MTMR10: variants seen among roughly 807,000 people sequenced by gnomAD.
MTMR10 encodes the protein myotubularin-related protein 10.
In MTMR10, 56 loss-of-function variants were observed where a neutral mutation model predicts 88.1. That is an observed-to-expected ratio of 0.64 (90% CI 0.51 to 0.79). The LOEUF is 0.79. Among genes scored for constraint, MTMR10 ranks in the 30% least tolerant of loss-of-function variants. The pLI, the probability that MTMR10 is intolerant of heterozygous loss-of-function variation, is 0.00. For missense variants in MTMR10, 883 were observed against 924.7 expected, an observed-to-expected ratio of 0.95 and a Z score of 0.58; for synonymous variants, 380 against 340.9, an observed-to-expected ratio of 1.11 and a Z score of -1.26.
chr15:30,935,800 A>G (rs147462432), downstream of MTMR10, among the ~76,000 whole-genome samples: 321 of 152,324 alleles, frequency 2.1e-3, no homozygotes, highest in African/African-American at 7.4e-3. Context: ...ATATTAGTCT[A>G]CTGTCTTCTA....
At chr15:30,990,899 A>G in intron 1 of MTMR10, 62 bp from the exon 2 acceptor site, 1 of 1,402,298 alleles carries the variant, frequency 7.1e-7, no homozygotes, top group South Asian at 1.3e-5. Context: ...AAAATGCTAC[A>G]GCAAATGTTG....
chr15:30,927,470 GAC>G, the MTMR10 span: 1 of 985,712 alleles, frequency 1.0e-6, no homozygotes, highest in Non-Finnish European at 1.2e-6. Context: ...AGGAAGACAG[GAC>G]AGAGAGCAGC....
Position 30,941,239 on chromosome 15 carries a change from T to C in MTMR10, c.*231A>G, listed in dbSNP as rs1364701087. ...GACAACATGAACAGTTTGATCACGG[T>C]TACAAGAGCCAGACCTGTAATGACA... On this transcript the variant is annotated 3_prime_UTR_variant, in exon 16 of 16. Transcript: ENST00000435680. 1 of 1,435,042 alleles carries C rather than the reference T, an allele frequency of 7.0e-7. No homozygotes were observed. The highest frequency in any genetic ancestry group is 1.4e-5 in the African/African-American group (1 of 70,870). The allele number at this position is 1,435,042 out of a possible 1,614,324, so 88.9% of individuals were successfully genotyped here.
At chr15:30,929,756 TA>T in the MTMR10 span, among the ~76,000 whole-genome samples, 1 of 35,916 alleles carries the variant, frequency 2.8e-5, no homozygotes, top group African/African-American at 1.5e-4. Context: ...ATATATAATA[TA>T]ATATATAAAA....
At chr15:30,932,576 A>G in the MTMR10 span, among the ~76,000 whole-genome samples, 1 of 152,120 alleles carries the variant, frequency 6.6e-6, no homozygotes, top group African/African-American at 2.4e-5. Context: ...AAAGCTATAA[A>G]TTAAATTTAT....
intron 5 of MTMR10, 151 bp downstream of exon 5, chr15:30,974,163 A>T: frequency 2.9e-6 from 2 of 694,408 alleles, no homozygotes; most frequent in Non-Finnish European, 4.1e-6. Flanking sequence ...TAGTTCTATT[A>T]ATATTCTTGG....
rs146087571 is a variant in MTMR10 at position 30,955,562 on chromosome 15, G to A, written c.936-669C>T. On this transcript the variant is annotated intron_variant, in intron 9 of 15. Coordinates refer to ENST00000435680, the MANE Select transcript of MTMR10 (RefSeq NM_017762.3). ...TGGGATTACAGGCGTGAGCCACCGCGCCCGGGCTCATTCCCTTATTTCTGA... is the reference window on the plus strand; with the variant it reads ...TGGGATTACAGGCGTGAGCCACCGCACCCGGGCTCATTCCCTTATTTCTGA... Among the ~76,000 whole-genome samples, 970 of 152,218 alleles carry A rather than the reference G, an allele frequency of 6.4e-3. 7 individuals carry two copies. The highest frequency in any genetic ancestry group is 9.3e-3 in the Non-Finnish European group (631 of 68,004).
At chr15:30,968,115 T>A in intron 5 of MTMR10, 105 bp from the exon 6 acceptor site, 1 of 751,272 alleles carries the variant, frequency 1.3e-6, no homozygotes, top group Non-Finnish European at 2.1e-6. Flanking sequence ...GCAGTGATTA[T>A]AGATACTATT....
intron 2 of MTMR10, among the ~76,000 whole-genome samples, chr15:30,988,479 A>C (rs1379815260): frequency 6.7e-6 from 1 of 150,008 alleles, no homozygotes; most frequent in African/African-American, 2.5e-5. Flanking sequence ...ACTTAGTGTT[A>C]CAGCTCTTTT....
At chr15:30,942,858 G>C in intron 15 of MTMR10, 32 bp downstream of exon 15, 1 of 1,536,194 alleles carries the variant, frequency 6.5e-7, no homozygotes, top group African/African-American at 1.4e-5. Flanking sequence ...TTACGTGTGA[G>C]CCAACATCAC....
chr15:30,936,213 T>G (rs770802246), downstream of MTMR10, among the ~76,000 whole-genome samples: 3 of 152,224 alleles, frequency 2.0e-5, no homozygotes, highest in Non-Finnish European at 2.9e-5. Flanking sequence ...TTTTATCTTA[T>G]GAATGCCATG....
At chr15:30,932,544 GA>G in the MTMR10 span, among the ~76,000 whole-genome samples, 1 of 152,058 alleles carries the variant, frequency 6.6e-6, no homozygotes, top group Non-Finnish European at 1.5e-5. Context: ...TGGGCCTGGA[GA>G]TTTTGGGGGG....
At chr15:30,973,767 T>C (rs1299758339) in intron 5 of MTMR10, among the ~76,000 whole-genome samples, 1 of 152,158 alleles carries the variant, frequency 6.6e-6, no homozygotes, top group South Asian at 2.1e-4. Context: ...TAATAAGTCA[T>C]TATCTGGAAG....
chr15:30,929,719 T>TATC, the MTMR10 span, among the ~76,000 whole-genome samples: 3 of 76,298 alleles, frequency 3.9e-5, no homozygotes, highest in Non-Finnish European at 6.5e-5. Flanking sequence ...ATATATAATA[T>TATC]ATATAAAATA....
chr15:30,988,845 C>A (rs1265742498), intron 2 of MTMR10, among the ~76,000 whole-genome samples: 1 of 151,864 alleles, frequency 6.6e-6, no homozygotes, highest in Non-Finnish European at 1.5e-5. Flanking sequence ...GAAAAATTAG[C>A]CAGGTGTGGT....
At chr15:30,962,347 C>G (rs1169236871) in intron 6 of MTMR10, among the ~76,000 whole-genome samples, 1 of 152,208 alleles carries the variant, frequency 6.6e-6, no homozygotes, top group Non-Finnish European at 1.5e-5. Context: ...CTGCTGCAGG[C>G]TGCAACTGTG....
Position 30,943,024 on chromosome 15 carries a change from T to C in MTMR10, c.1597A>G (p.Lys533Glu). Residue 533 changes from lysine to glutamate, a missense_variant, in exon 15 of 16, where the codon AAA becomes GAA. Coordinates refer to ENST00000435680, the MANE Select transcript of MTMR10 (RefSeq NM_017762.3). ...GACCAGTCCCAAACAGAGGGGAATT[T>C]TAAGCCCTTCTCATCACCCAATTGG... is the stretch of plus-strand genomic sequence containing the variant. ...NIQLGDEKGL[K>E]FPSVWDWSLQ... 6.4e-7 allele frequency: 1 copy of C among 1,550,732 alleles called. No homozygotes were observed. The highest frequency in any genetic ancestry group is 8.7e-7 in the Non-Finnish European group (1 of 1,146,792).
chr15:30,982,763 A>G (rs1310162319), intron 2 of MTMR10, among the ~76,000 whole-genome samples: 2 of 152,224 alleles, frequency 1.3e-5, no homozygotes, highest in South Asian at 2.1e-4. Context: ...ACCAGTCTTT[A>G]AAATATTTGG....
At chr15:30,966,502 T>A (rs1253266570) in intron 6 of MTMR10, among the ~76,000 whole-genome samples, 2 of 152,202 alleles carry the variant, frequency 1.3e-5, no homozygotes, top group Admixed American at 1.3e-4. Context: ...GTCTGTATCA[T>A]AAACAGTTGA....
Sources: gnomAD v4.1 joint callset for allele counts (sites outside exome capture counted in the v4.1 genomes callset) on GRCh38, gnomAD v4.1.1 for gene constraint, MANE v1.5 for transcripts, NCBI Gene and HGNC (gene_info 2026-07-23, HGNC 2026-07-21) for gene names.